KLF12: variants seen among roughly 807,000 people sequenced by gnomAD.
KLF12 encodes the protein Krueppel-like factor 12.
In KLF12, 9 loss-of-function variants were observed where a neutral mutation model predicts 37.8. That is an observed-to-expected ratio of 0.24 (90% CI 0.14 to 0.42). KLF12 has a LOEUF of 0.42. KLF12 is among the 10% of genes least tolerant of loss of function. KLF12 has a pLI of 1.00. For missense variants in KLF12, 411 were observed against 516.0 expected (o/e 0.80, Z 1.97); for synonymous variants, 208 against 202.1 (o/e 1.03, Z -0.25).
At chr13:73,711,306 T>C (rs1875379868) in intron 7 of KLF12, among the ~76,000 whole-genome samples, 1 of 152,218 alleles carries the variant, frequency 6.6e-6, no homozygotes, top group African/African-American at 2.4e-5. Flanking sequence ...AAACTACAGA[T>C]TTTCAATGTA....
the KLF12 span, among the ~76,000 whole-genome samples, chr13:74,191,926 A>T: frequency 6.6e-6 from 1 of 152,190 alleles, no homozygotes; most frequent in Admixed American, 6.5e-5. Context: ...AATTCCAGTC[A>T]TTCCCATTTT....
chr13:73,816,357 T>C (rs57446923), intron 4 of KLF12, among the ~76,000 whole-genome samples: 2,901 of 152,324 alleles, frequency 0.019, 89 homozygotes, highest in African/African-American at 0.065. Context: ...GGAGATGATC[T>C]ATAAACACCT....
intron 5 of KLF12, among the ~76,000 whole-genome samples, chr13:73,793,506 T>C (rs1005551356): frequency 1.3e-5 from 2 of 152,248 alleles, no homozygotes; most frequent in African/African-American, 4.8e-5. Flanking sequence ...TGAGAGTTTA[T>C]AGTTGACAAA....
chr13:73,831,670 G>A (rs1327553731), intron 4 of KLF12, among the ~76,000 whole-genome samples: 6 of 152,104 alleles, frequency 3.9e-5, no homozygotes, highest in African/African-American at 2.4e-5. Context: ...TAATTTTGAC[G>A]TTTTCTTTGC....
intron 2 of KLF12, among the ~76,000 whole-genome samples, chr13:73,978,952 T>A (rs1288259511): frequency 6.6e-6 from 1 of 152,170 alleles, no homozygotes; most frequent in Admixed American, 6.5e-5. Flanking sequence ...CTATGCAATA[T>A]CCTTGAAAAG....
At chr13:74,174,658 C>T in the KLF12 span, among the ~76,000 whole-genome samples, 10 of 152,274 alleles carry the variant, frequency 6.6e-5, no homozygotes, top group Admixed American at 2.6e-4. Flanking sequence ...TGTTCAAGAG[C>T]AACAGATGGT....
At chr13:73,974,997 A>C (rs2138135550) in intron 2 of KLF12, among the ~76,000 whole-genome samples, 1 of 152,368 alleles carries the variant, frequency 6.6e-6, no homozygotes, top group South Asian at 2.1e-4. Flanking sequence ...TCAATAAATC[A>C]GTAAAAGGGA....
intron 1 of KLF12, among the ~76,000 whole-genome samples, chr13:74,093,123 T>C (rs1246602375): frequency 1.3e-5 from 2 of 152,242 alleles, no homozygotes; most frequent in Admixed American, 6.5e-5. Context: ...ATCTGAACTT[T>C]CTATCATTAG....
intron 3 of KLF12, among the ~76,000 whole-genome samples, chr13:73,903,603 T>C (rs1300708180): frequency 6.6e-6 from 1 of 152,138 alleles, no homozygotes; most frequent in African/African-American, 2.4e-5. Context: ...ATTTTAACAA[T>C]TGGGTGTGTG....
At chr13:73,835,050 C>T (rs1028027181) in intron 4 of KLF12, among the ~76,000 whole-genome samples, 3 of 149,126 alleles carry the variant, frequency 2.0e-5, no homozygotes, top group Non-Finnish European at 4.4e-5. Flanking sequence ...GTGGGATAAG[C>T]GGGTAGAAGT....
intron 1 of KLF12, among the ~76,000 whole-genome samples, chr13:74,066,492 T>C (rs913619269): frequency 6.6e-6 from 1 of 151,988 alleles, no homozygotes; most frequent in Admixed American, 6.6e-5. Context: ...CGAGACCTTG[T>C]TTCTACCAGA....
At chr13:73,951,971 A>T (rs901731274) in intron 2 of KLF12, among the ~76,000 whole-genome samples, 3 of 152,224 alleles carry the variant, frequency 2.0e-5, no homozygotes, top group Admixed American at 6.5e-5. Flanking sequence ...CTAATAAAAA[A>T]ATATAAGATC....
chr13:73,925,984 CT>C (rs1889356756), intron 3 of KLF12, among the ~76,000 whole-genome samples: 1 of 152,126 alleles, frequency 6.6e-6, no homozygotes, highest in African/African-American at 2.4e-5. Flanking sequence ...TGAGGAGTCG[CT>C]TTTTCCAGAT....
intron 3 of KLF12, among the ~76,000 whole-genome samples, chr13:73,910,617 G>A (rs75638984): frequency 1.7e-3 from 254 of 152,250 alleles, no homozygotes; most frequent in Non-Finnish European, 2.9e-3. Flanking sequence ...AGGATACAAA[G>A]TTTTAGATAA....
the KLF12 span, among the ~76,000 whole-genome samples, chr13:74,285,890 A>G: frequency 2.0e-5 from 3 of 152,206 alleles, no homozygotes; most frequent in Non-Finnish European, 4.4e-5. Flanking sequence ...CCTGAAGCCA[A>G]TGCACTTCTT....
chr13:73,737,418 G>A (rs779761032), intron 6 of KLF12, among the ~76,000 whole-genome samples: 3 of 152,068 alleles, frequency 2.0e-5, no homozygotes, highest in African/African-American at 4.8e-5. Flanking sequence ...TGTTATTTTC[G>A]TGTAACCCTG....
the KLF12 span, among the ~76,000 whole-genome samples, chr13:74,291,548 G>A: frequency 3.9e-5 from 6 of 152,268 alleles, no homozygotes; most frequent in Admixed American, 6.5e-5. Flanking sequence ...CATATATGGC[G>A]AAGGTTAATC....
chr13:74,068,203 T>C (rs376023621), intron 1 of KLF12, among the ~76,000 whole-genome samples: 208 of 152,314 alleles, frequency 1.4e-3, no homozygotes, highest in African/African-American at 4.8e-3. Context: ...GGAAGTGAAA[T>C]AAGAGGATGA....
At chr13:73,967,807 A>G (rs2138081785) in intron 2 of KLF12, among the ~76,000 whole-genome samples, 1 of 152,358 alleles carries the variant, frequency 6.6e-6, no homozygotes. Context: ...GGCAAGGGAC[A>G]TAAGTTAACT....
Sources: gnomAD v4.1 joint callset for allele counts (sites outside exome capture counted in the v4.1 genomes callset) on GRCh38, gnomAD v4.1.1 for gene constraint, MANE v1.5 for transcripts, NCBI Gene and HGNC (gene_info 2026-07-23, HGNC 2026-07-21) for gene names.